U2SURP: variants seen among roughly 807,000 people sequenced by gnomAD.
U2SURP encodes the protein U2 snRNP-associated SURP motif-containing protein.
U2SURP carries 9 observed loss-of-function variants against 144.9 expected under a neutral mutation model. The observed-to-expected ratio is 0.06, with a 90% CI of 0.04 to 0.11. U2SURP has a LOEUF of 0.11. Among genes scored for constraint, U2SURP ranks in the 10% least tolerant of loss-of-function variants. U2SURP has a pLI of 1.00. For missense variants in U2SURP, 724 were observed against 1,226.7 expected, an observed-to-expected ratio of 0.59 and a Z score of 6.12; for synonymous variants, 408 against 396.8, an observed-to-expected ratio of 1.03 and a Z score of -0.33.
chr3:143,016,425 A>G, intron 5 of U2SURP, 54 bp downstream of exon 5: 1 of 1,483,766 alleles, frequency 6.7e-7, no homozygotes, highest in South Asian at 1.2e-5. Context: ...ACAGTTTTTG[A>G]GCGAGCCCCA....
chr3:143,032,590 G>A (rs1250882098), intron 16 of U2SURP, among the ~76,000 whole-genome samples, 194 bp from the exon 17 acceptor site: 1 of 152,152 alleles, frequency 6.6e-6, no homozygotes, highest in African/African-American at 2.4e-5. Flanking sequence ...TTATTCTACA[G>A]AGTATTCTTA....
intron 13 of U2SURP, chr3:143,026,126 C>G (rs563760165): frequency 1.8e-4 from 28 of 152,162 alleles, no homozygotes; most frequent in African/African-American, 6.7e-4. Flanking sequence ...TCAAAAGCAG[C>G]TTATAAATAA....
At chr3:143,001,986 C>T (rs1230306774) in intron 1 of U2SURP, among the ~76,000 whole-genome samples, 2 of 152,256 alleles carry the variant, frequency 1.3e-5, no homozygotes, top group Admixed American at 1.3e-4. Flanking sequence ...TCCTGTATCT[C>T]AGCTTCCTGC....
At chr3:143,021,587 A>G (rs1578130069) in intron 10 of U2SURP, 32 bp downstream of exon 10, 3 of 1,561,608 alleles carry the variant, frequency 1.9e-6, no homozygotes, top group Non-Finnish European at 2.6e-6. Context: ...GTTGATTGAT[A>G]TGCTTTATGC....
intron 6 of U2SURP, among the ~76,000 whole-genome samples, chr3:143,018,299 C>T (rs1022124084): frequency 4.6e-5 from 7 of 151,856 alleles, no homozygotes; most frequent in African/African-American, 1.7e-4. Context: ...TATTATATAA[C>T]GTGGTCTTTT....
At chr3:143,004,889 A>G (rs916179915) in intron 1 of U2SURP, among the ~76,000 whole-genome samples, 1 of 152,034 alleles carries the variant, frequency 6.6e-6, no homozygotes, top group Non-Finnish European at 1.5e-5. Context: ...TGTTGATGTT[A>G]TGTAGTAGCT....
chr3:143,006,615 C>T lies in U2SURP; in HGVS notation c.46-4200C>T, dbSNP rs192881063. 1.9e-4 allele frequency among the ~76,000 whole-genome samples: 29 copies of T among 152,078 alleles called. No homozygotes were observed. In the East Asian group the frequency reaches 5.0e-3, roughly 26 times the overall value. ...TGCTGAAAATACAAAATTAGCTGGG[C>T]ATGGTGGCACATGCTACTCGGGAGG... On this transcript the variant is annotated intron_variant, in intron 1 of 27. Coordinates refer to ENST00000473835, the MANE Select transcript of U2SURP (RefSeq NM_001080415.2).
Position 143,020,713 on chromosome 3 carries a change from A to C in U2SURP, c.733+20A>C. ...GTTCTAGTAAGTGGCATTTATTTTA[A>C]TGTGTATGCTTGTGATTAATTACAG... On this transcript the variant is annotated intron_variant, in intron 8 of 27. Coordinates refer to ENST00000473835, the MANE Select transcript of U2SURP (RefSeq NM_001080415.2). 6.3e-7 allele frequency: 1 copy of C among 1,578,832 alleles called. No homozygotes were observed. The highest frequency in any genetic ancestry group is 1.1e-5 in the South Asian group (1 of 88,848).
intron 18 of U2SURP, 156 bp from the exon 19 acceptor site, chr3:143,034,732 T>TA (rs1933716399): frequency 1.8e-6 from 1 of 564,566 alleles, no homozygotes; most frequent in Admixed American, 3.1e-5. Context: ...GCAATTCAGT[T>TA]ACGGTTTTAG....
chr3:143,043,097 T>C lies in U2SURP; in HGVS notation c.2385-20T>C, dbSNP rs764112083. ...TCTCTTGCTGCCTTGACATACAATG[T>C]ATTCTGCTTGTTTCTAAAGTCAAGA... On this transcript the variant is annotated intron_variant, in intron 23 of 27. Coordinates refer to ENST00000473835, the MANE Select transcript of U2SURP (RefSeq NM_001080415.2). 5 of 1,589,774 alleles carry C rather than the reference T, an allele frequency of 3.1e-6. No individual in the cohort carries two copies. Among genetic ancestry groups the C allele is most frequent in the Non-Finnish European group, 3.4e-6 (4 of 1,168,162 alleles).
At chr3:143,052,136 C>G in intron 25 of U2SURP, among the ~76,000 whole-genome samples, 1 of 152,162 alleles carries the variant, frequency 6.6e-6, no homozygotes, top group Middle Eastern at 3.2e-3. Context: ...CCTGTAATCC[C>G]AGCACTTCGG....
At chr3:143,004,631 G>T (rs1381680860) in intron 1 of U2SURP, among the ~76,000 whole-genome samples, 2 of 142,928 alleles carry the variant, frequency 1.4e-5, no homozygotes, top group Admixed American at 7.4e-5. Flanking sequence ...GAGCCACCGT[G>T]CCTGGCTTCT....
At chr3:143,035,383 CT>C (rs527529863) in intron 19 of U2SURP, among the ~76,000 whole-genome samples, 9 of 152,194 alleles carry the variant, frequency 5.9e-5, no homozygotes, top group Non-Finnish European at 1.0e-4. Flanking sequence ...AAGTGTAGTA[CT>C]TCACTTATAA....
chr3:143,052,064 G>A (rs1369653286), intron 25 of U2SURP, among the ~76,000 whole-genome samples: 1 of 152,038 alleles, frequency 6.6e-6, no homozygotes, highest in East Asian at 1.9e-4. Flanking sequence ...CTATATATTT[G>A]GAAAAAAGAT....
rs1935529072 is a variant in U2SURP at position 143,001,636 on chromosome 3, A to G, written c.8A>G (p.Asp3Gly). 1 of 1,613,920 alleles carries G rather than the reference A, an allele frequency of 6.2e-7. No individual in the cohort carries two copies. The highest frequency in any genetic ancestry group is 1.3e-5 in the African/African-American group (1 of 74,948). The change falls in exon 1 of 28, where the codon GAC (aspartate) becomes GGC (glycine). Residue 3 changes from aspartate to glycine, a missense_variant. Around this residue, in one of 13 missense-constraint regions of U2SURP, gnomAD observed 127 missense variants for 98.2 expected, o/e 1.29. Transcript: ENST00000473835. ...GGAGGGGCAAAGCTCAAGATGGCGG[A>G]CAAAACGCCAGGCGGATCTCAGAAG... The part of the protein sequence containing the change: MA[D>G]KTPGGSQKAS...
At chr3:143,017,884 A>G (rs1017745534) in intron 6 of U2SURP, among the ~76,000 whole-genome samples, 4 of 151,496 alleles carry the variant, frequency 2.6e-5, no homozygotes, top group Admixed American at 2.6e-4. Context: ...TTTGCCTCCC[A>G]AAGTGCTGGG....
At position 143,057,073 on chromosome 3, in the gene U2SURP, C is replaced by T. The variant is rs1489345746; in HGVS notation, c.*623C>T. 2 of 152,408 alleles carry T rather than the reference C, an allele frequency of 1.3e-5. No homozygotes were observed. The highest frequency in any genetic ancestry group is 1.9e-4 in the East Asian group (1 of 5,198). The allele number at this position is 152,408 out of a possible 1,614,324, so 9.4% of individuals were successfully genotyped here. ...AAGTTTCTCTTGGGTAATACTAATA[C>T]CCAGATATCAAAGACTAGGTAGATA... On this transcript the variant is annotated 3_prime_UTR_variant, in exon 28 of 28. Transcript: ENST00000473835.
chr3:143,024,774 G>A (rs557297831), intron 13 of U2SURP, among the ~76,000 whole-genome samples: 1 of 152,258 alleles, frequency 6.6e-6, no homozygotes, highest in Non-Finnish European at 1.5e-5. Context: ...CTGCGGCAGC[G>A]GGGGACCAGG....
chr3:143,050,707 AC>A (rs1157102419), intron 24 of U2SURP, among the ~76,000 whole-genome samples: 1 of 152,200 alleles, frequency 6.6e-6, no homozygotes, highest in Non-Finnish European at 1.5e-5. Context: ...GTGAGTTCTT[AC>A]AGCCATGAAG....
Sources: allele counts gnomAD v4.1 joint callset (sites outside exome capture counted in the v4.1 genomes callset), GRCh38; gene constraint gnomAD v4.1.1; regional missense constraint gnomAD v4.1.1; transcripts MANE v1.5; gene names NCBI Gene and HGNC (gene_info 2026-07-23, HGNC 2026-07-21).